CELF2: variants seen among roughly 807,000 people sequenced by gnomAD.
The protein encoded by CELF2 is CUGBP Elav-like family member 2.
A neutral mutation model predicts 62.6 loss-of-function variants in CELF2; 8 were observed. That is an observed-to-expected ratio of 0.13 (90% CI 0.07 to 0.23). The LOEUF (loss-of-function observed/expected upper bound fraction) is 0.23, where lower values mean the gene tolerates loss of function less well. CELF2 is among the 10% of genes least tolerant of loss of function. CELF2 has a pLI of 1.00. For missense variants in CELF2, 333 were observed against 671.0 expected (o/e 0.50, Z 5.56); for synonymous variants, 258 against 250.0 (o/e 1.03, Z -0.30).
intron 2 of CELF2, among the ~76,000 whole-genome samples, chr10:10,939,831 G>A (rs982356830): frequency 1.5e-4 from 23 of 152,018 alleles, no homozygotes; most frequent in African/African-American, 5.3e-4. Context: ...GCGGATGCCT[G>A]TAGTTCCAGC....
At chr10:10,736,131 AC>A in the CELF2 span, among the ~76,000 whole-genome samples, 5 of 152,302 alleles carry the variant, frequency 3.3e-5, no homozygotes, top group South Asian at 1.0e-3. Context: ...TTCATTCTTT[AC>A]CCTAGATTCT....
Position 11,333,811 on chromosome 10 carries a change from A to G in CELF2, c.*4758A>G, listed in dbSNP as rs2096071805. On this transcript the variant is annotated 3_prime_UTR_variant, in exon 13 of 13. Transcript: ENST00000633077. ...GTTTGATGGAATTTGAGCCAAAAAA[A>G]AAATACGCAGGCTTTCCTATTTCTA... The G allele has an allele frequency of 6.6e-6, 1 of 152,576 alleles. No individual in the cohort carries two copies. Among genetic ancestry groups the G allele is most frequent in the Non-Finnish European group, 1.5e-5 (1 of 68,016 alleles). 9.5% of individuals were successfully genotyped at this position (152,576 alleles called of 1,614,324 possible).
the CELF2 span, among the ~76,000 whole-genome samples, chr10:10,568,831 A>G: frequency 6.0e-4 from 92 of 152,314 alleles, no homozygotes; most frequent in African/African-American, 2.2e-3. Flanking sequence ...CTGGTTTACT[A>G]GGGAAGTATG....
chr10:10,681,791 C>G, the CELF2 span, among the ~76,000 whole-genome samples: 1 of 152,132 alleles, frequency 6.6e-6, no homozygotes, highest in Non-Finnish European at 1.5e-5. Flanking sequence ...TTCCTCCCAG[C>G]TCCTAATTCA....
intron 2 of CELF2, among the ~76,000 whole-genome samples, chr10:10,973,012 G>A (rs991689505): frequency 2.0e-5 from 3 of 152,098 alleles, no homozygotes; most frequent in South Asian, 2.1e-4. Context: ...GAAGGCAGCC[G>A]GGCACGGTGG....
chr10:11,077,394 C>T (rs1168615145), intron 1 of CELF2, among the ~76,000 whole-genome samples: 1 of 152,190 alleles, frequency 6.6e-6, no homozygotes, highest in African/African-American at 2.4e-5. Flanking sequence ...CCAAGTGGGT[C>T]AGTTCTGATG....
At chr10:11,081,236 T>C (rs1290407444) in intron 1 of CELF2, among the ~76,000 whole-genome samples, 3 of 152,212 alleles carry the variant, frequency 2.0e-5, no homozygotes, top group Non-Finnish European at 4.4e-5. Flanking sequence ...AAGATTTTTT[T>C]TGAAGAAGCT....
intron 1 of CELF2, among the ~76,000 whole-genome samples, chr10:11,026,901 TATA>T (rs2059308651): frequency 6.6e-6 from 1 of 152,110 alleles, no homozygotes. Context: ...CTTCCTACAT[TATA>T]GGAGGAGTGT....
At chr10:11,027,550 T>G (rs982961549) in intron 1 of CELF2, among the ~76,000 whole-genome samples, 18 of 151,378 alleles carry the variant, frequency 1.2e-4, no homozygotes, top group African/African-American at 4.4e-4. Flanking sequence ...GAGGAAATAC[T>G]TTTTCTTACT....
At chr10:10,865,789 C>T (rs1199004996) in intron 1 of CELF2, among the ~76,000 whole-genome samples, 1 of 151,856 alleles carries the variant, frequency 6.6e-6, no homozygotes, top group African/African-American at 2.4e-5. Context: ...AAGAAGAATG[C>T]AGGCACTATG....
upstream of CELF2, among the ~76,000 whole-genome samples, chr10:11,017,521 C>A (rs2057414858): frequency 6.6e-6 from 1 of 152,218 alleles, no homozygotes; most frequent in Admixed American, 6.5e-5. This position sits in a 1 kb window ranked among gnomAD's most constrained non-coding sequence, Gnocchi z 5.5. Flanking sequence ...GCACACCACA[C>A]CGAGGAGCAT....
chr10:10,763,433 A>T, the CELF2 span, among the ~76,000 whole-genome samples: 1 of 152,152 alleles, frequency 6.6e-6, no homozygotes, highest in Non-Finnish European at 1.5e-5. Context: ...CTCCAAACTC[A>T]CACAACCTGG....
At chr10:10,726,009 T>C in the CELF2 span, among the ~76,000 whole-genome samples, 6 of 152,144 alleles carry the variant, frequency 3.9e-5, no homozygotes, top group Admixed American at 3.9e-4. Context: ...GAAGGACTCA[T>C]TCTTGCTTTT....
chr10:11,223,511 G>A lies in CELF2; in HGVS notation c.354+6004G>A, dbSNP rs1221494650. ...ACTGCCTAGGAGGAGCCATTTCCCTGCCATCTGTGTTTTCAGATAATACTC... is the reference window on the plus strand; with the variant it reads ...ACTGCCTAGGAGGAGCCATTTCCCTACCATCTGTGTTTTCAGATAATACTC... On this transcript the variant is annotated intron_variant, in intron 3 of 12. Transcript: ENST00000633077. The surrounding 1 kb of genome is among the most constrained non-coding windows in gnomAD (Gnocchi z 5.1). Among the ~76,000 whole-genome samples, 1 of 152,204 alleles carries A rather than the reference G, an allele frequency of 6.6e-6. No individual in the cohort carries two copies. The highest frequency in any genetic ancestry group is 1.5e-5 in the Non-Finnish European group (1 of 68,046).
the CELF2 span, among the ~76,000 whole-genome samples, chr10:10,509,997 G>A: frequency 1.3e-5 from 2 of 152,342 alleles, no homozygotes; most frequent in Non-Finnish European, 2.9e-5. Flanking sequence ...CACCTGCAAA[G>A]GCATTTCTCC....
the CELF2 span, among the ~76,000 whole-genome samples, chr10:10,668,422 G>C: frequency 2.0e-5 from 3 of 152,178 alleles, no homozygotes; most frequent in Non-Finnish European, 4.4e-5. Flanking sequence ...GACCCAGTTA[G>C]CTTATTCCTC....
In CELF2 at chr10:11,334,721, T is replaced by A. The variant is rs1566066842; in HGVS notation, c.*5668T>A. The A allele has an allele frequency of 6.6e-6, 1 of 152,200 alleles. No individual in the cohort carries two copies. The highest frequency in any genetic ancestry group is 1.5e-5 in the Non-Finnish European group (1 of 68,032). 9.4% of individuals were successfully genotyped at this position (152,200 alleles called of 1,614,324 possible). A position where few individuals can be genotyped will look rare whatever the true frequency, so the allele number is the denominator to read the frequency against. ...GAGTCTATCCACGCAGTTCTTAACA[T>A]ACATTCCAAACTGCTGCGGGGTTTC... On this transcript the variant is annotated 3_prime_UTR_variant, in exon 13 of 13. Transcript: ENST00000633077.
the CELF2 span, among the ~76,000 whole-genome samples, chr10:10,696,174 G>A: frequency 5.9e-5 from 9 of 152,216 alleles, no homozygotes; most frequent in South Asian, 2.1e-4. Flanking sequence ...TGTACAGATG[G>A]GTTTTTGGTG....
chr10:11,049,483 T>C (rs2063492642), intron 1 of CELF2, among the ~76,000 whole-genome samples: 1 of 145,438 alleles, frequency 6.9e-6, no homozygotes, highest in Non-Finnish European at 1.5e-5. Flanking sequence ...GTGAAAACAA[T>C]GTGAACCGGG....
Sources: gnomAD v4.1 joint callset for allele counts (sites outside exome capture counted in the v4.1 genomes callset) on GRCh38, gnomAD v4.1.1 for gene constraint, Gnocchi (gnomAD v3.1) non-coding constraint, MANE v1.5 for transcripts, NCBI Gene and HGNC (gene_info 2026-07-23, HGNC 2026-07-21) for gene names.